The following WDPCP variants were observed in gnomAD, a reference collection of about 807,000 sequenced individuals.
WDPCP encodes the protein WD repeat-containing and planar cell polarity effector protein fritz homolog.
In WDPCP, 71 loss-of-function variants were observed where a neutral mutation model predicts 93.1. The ratio of observed to expected loss-of-function variants is 0.76; its 90% confidence interval spans 0.63 to 0.93. The LOEUF (loss-of-function observed/expected upper bound fraction) is 0.93. WDPCP is among the 40% of genes least tolerant of loss of function. The pLI is 0.00. For synonymous variants in WDPCP, 315 were observed against 315.0 expected, an observed-to-expected ratio of 1.00 and a Z score of 0.00; for missense variants, 844 against 887.4, an observed-to-expected ratio of 0.95 and a Z score of 0.62.
intron 2 of WDPCP, among the ~76,000 whole-genome samples, chr2:63,711,297 A>C (rs908537439): frequency 7.9e-5 from 12 of 152,206 alleles, no homozygotes; most frequent in African/African-American, 2.7e-4. Flanking sequence ...ACCAAATATA[A>C]GGTAGTACCA....
chr2:63,453,433 G>A (rs374480779), intron 6 of WDPCP, among the ~76,000 whole-genome samples: 4 of 152,134 alleles, frequency 2.6e-5, no homozygotes, highest in Admixed American at 1.3e-4. Flanking sequence ...TCATTAAAAC[G>A]TCAGGAAACA....
chr2:63,539,840 TATAG>T (rs940785046), intron 1 of WDPCP, among the ~76,000 whole-genome samples: 14 of 152,324 alleles, frequency 9.2e-5, no homozygotes, highest in Non-Finnish European at 1.9e-4. Context: ...GCCATTTATT[TATAG>T]ATAGATGGAT....
At chr2:63,797,346 C>G (rs1670631799) in intron 2 of WDPCP, among the ~76,000 whole-genome samples, 1 of 152,016 alleles carries the variant, frequency 6.6e-6, no homozygotes, top group African/African-American at 2.4e-5. Context: ...GCTTATGTAT[C>G]AGCTCAGCCA....
At chr2:63,249,246 A>G (rs1680525241) in intron 14 of WDPCP, among the ~76,000 whole-genome samples, 2 of 152,110 alleles carry the variant, frequency 1.3e-5, no homozygotes, top group South Asian at 4.1e-4. Flanking sequence ...TGGTCTTGTC[A>G]GGTCTTTTCT....
intron 8 of WDPCP, among the ~76,000 whole-genome samples, chr2:63,434,721 T>C (rs1203926130): frequency 1.3e-5 from 2 of 152,110 alleles, no homozygotes; most frequent in Non-Finnish European, 2.9e-5. Context: ...ATTAAGCGCA[T>C]GGCTAAGCCT....
At chr2:63,450,692 ATAACCACAC>A (rs1698182523) in intron 6 of WDPCP, among the ~76,000 whole-genome samples, 1 of 152,124 alleles carries the variant, frequency 6.6e-6, no homozygotes, top group South Asian at 2.1e-4. Flanking sequence ...GCCCCCACAA[ATAACCACAC>A]CCTAAACCAC....
intron 2 of WDPCP, among the ~76,000 whole-genome samples, chr2:63,682,529 C>T (rs1205858749): frequency 1.3e-5 from 2 of 150,974 alleles, no homozygotes; most frequent in Admixed American, 6.6e-5. Flanking sequence ...TGAAGCATGC[C>T]TACAGGATCT....
intron 6 of WDPCP, among the ~76,000 whole-genome samples, chr2:63,476,468 T>C (rs1426209768): frequency 6.6e-6 from 1 of 152,176 alleles, no homozygotes; most frequent in East Asian, 1.9e-4. Context: ...AGTAAAGTTA[T>C]AAATTCTCCA....
At chr2:63,537,015 G>C (rs1299209325) in intron 1 of WDPCP, among the ~76,000 whole-genome samples, 1 of 151,862 alleles carries the variant, frequency 6.6e-6, no homozygotes, top group African/African-American at 2.4e-5. Flanking sequence ...TGATCCACCC[G>C]CCTCAGCCTC....
intron 14 of WDPCP, among the ~76,000 whole-genome samples, chr2:63,248,448 A>G (rs1680458936): frequency 6.6e-6 from 1 of 152,090 alleles, no homozygotes; most frequent in African/African-American, 2.4e-5. Context: ...AGCATCTTAC[A>G]TTTGTGGATC....
At chr2:63,736,481 T>G (rs1669641836) in intron 2 of WDPCP, among the ~76,000 whole-genome samples, 1 of 152,224 alleles carries the variant, frequency 6.6e-6, no homozygotes, top group Non-Finnish European at 1.5e-5. Flanking sequence ...AGAGAACTTG[T>G]GGTCTCCAAA....
rs144415019 is a variant in WDPCP, at chr2:63,820,976, T to C, written n.222+6646A>G. ...TTTTTAAAGCCAAATTATGAGACTA[T>C]AGCTTTTGAAAATCTACATAGTCAA... On this transcript the variant is annotated intron_variant and non_coding_transcript_variant, in intron 1 of 4. Coordinates refer to the WDPCP transcript ENST00000467687. 5.8e-3 allele frequency among the ~76,000 whole-genome samples: 882 copies of C among 152,318 alleles called. 15 individuals are homozygous for C. Among genetic ancestry groups the C allele is most frequent in the African/African-American group, 0.02 (842 of 41,568 alleles).
rs150296138 is a variant in WDPCP at position 63,317,303 on chromosome 2, G to T, written c.1749-3992C>A. Reference sequence around the variant, plus strand: ...GGCACCTGTAATCCCAGCTACTTGGGAAGCTGAGGCAGAAGAATAGCTTGA... The same window carrying T: ...GGCACCTGTAATCCCAGCTACTTGGTAAGCTGAGGCAGAAGAATAGCTTGA... On this transcript the variant is annotated intron_variant, in intron 12 of 17. Transcript: ENST00000272321. Among the ~76,000 whole-genome samples, 103 of 151,526 alleles carry T rather than the reference G, an allele frequency of 6.8e-4. 3 individuals carry two copies. In the East Asian group the frequency reaches 0.018, roughly 27 times the overall value.
chr2:63,677,893 A>G (rs1392888451), intron 2 of WDPCP, among the ~76,000 whole-genome samples: 1 of 152,188 alleles, frequency 6.6e-6, no homozygotes, highest in Non-Finnish European at 1.5e-5. Context: ...TATTGCCTGT[A>G]TATATTTTAT....
intron 12 of WDPCP, among the ~76,000 whole-genome samples, chr2:63,325,558 A>G (rs375761809): frequency 1.3e-5 from 2 of 152,316 alleles, no homozygotes; most frequent in African/African-American, 4.8e-5. Context: ...TCTGTCCCAG[A>G]TGACTGTCCT....
chr2:63,230,370 A>C (rs1678748298), intron 14 of WDPCP, among the ~76,000 whole-genome samples: 1 of 152,040 alleles, frequency 6.6e-6, no homozygotes, highest in Non-Finnish European at 1.5e-5. Context: ...AGTCTTTGCT[A>C]TTGTGAATAG....
chr2:63,185,347 T>C (rs1321393481), intron 14 of WDPCP, among the ~76,000 whole-genome samples: 6 of 152,184 alleles, frequency 3.9e-5, no homozygotes, highest in Non-Finnish European at 4.4e-5. Flanking sequence ...TTTGGAGAAA[T>C]AGTCACTTCT....
chr2:63,352,336 G>C (rs544509903), intron 12 of WDPCP, among the ~76,000 whole-genome samples: 5 of 152,090 alleles, frequency 3.3e-5, no homozygotes, highest in East Asian at 3.9e-4. Context: ...AAAGTGTTAA[G>C]TTTCAATACT....
intron 2 of WDPCP, among the ~76,000 whole-genome samples, chr2:63,745,188 A>G (rs1669777080): frequency 6.6e-6 from 1 of 152,164 alleles, no homozygotes; most frequent in Non-Finnish European, 1.5e-5. Flanking sequence ...AATTGTTTTA[A>G]GTTTTGCCTT....
Sources: allele counts gnomAD v4.1 joint callset (sites outside exome capture counted in the v4.1 genomes callset), GRCh38; gene constraint gnomAD v4.1.1; transcripts MANE v1.5; gene names NCBI Gene and HGNC (gene_info 2026-07-23, HGNC 2026-07-21).